Variants in TIMP3 observed in about 807,000 individuals in gnomAD.
TIMP3 encodes TIMP metallopeptidase inhibitor 3.
Under a neutral mutation model 30.0 loss-of-function variants are expected in TIMP3, and 11 were observed. The observed-to-expected ratio is 0.37, with a 90% CI of 0.23 to 0.61. The LOEUF is 0.61. Among genes scored for constraint, TIMP3 ranks in the 20% least tolerant of loss-of-function variants. The pLI is 0.70. For synonymous variants in TIMP3, 112 were observed against 111.3 expected, an observed-to-expected ratio of 1.01 and a Z score of -0.04; for missense variants, 181 against 276.8, an observed-to-expected ratio of 0.65 and a Z score of 2.45.
intron 1 of TIMP3, among the ~76,000 whole-genome samples, chr22:32,846,147 G>A (rs1300252242): frequency 6.6e-6 from 1 of 152,208 alleles, no homozygotes; most frequent in Non-Finnish European, 1.5e-5. Context: ...TCAGACTTTT[G>A]GAACCATGAC....
In TIMP3 at chr22:32,859,416, G is replaced by T. The variant is rs189143308; in HGVS notation, c.*39G>T. ...CCCCACCTCACTTCCCTCCCTTCCC[G>T]CTGAGCTTCCCTTGGACACTAACTC... is the stretch of plus-strand genomic sequence containing the variant. On this transcript the variant is annotated 3_prime_UTR_variant, in exon 5 of 5. Coordinates refer to ENST00000266085, the MANE Select transcript of TIMP3 (RefSeq NM_000362.5). The T allele has an allele frequency of 6.3e-7, 1 of 1,586,850 alleles. No individual in the cohort carries two copies. Among genetic ancestry groups the T allele is most frequent in the Admixed American group, 1.7e-5 (1 of 57,554 alleles).
At chr22:32,834,974 G>A (rs1042261219) in intron 1 of TIMP3, among the ~76,000 whole-genome samples, 2 of 152,212 alleles carry the variant, frequency 1.3e-5, no homozygotes, top group Non-Finnish European at 1.5e-5. Flanking sequence ...CAGGGTCTTT[G>A]CAGTCCTCAG....
chr22:32,829,461 C>G (rs2047511137), intron 1 of TIMP3, among the ~76,000 whole-genome samples: 1 of 152,234 alleles, frequency 6.6e-6, no homozygotes, highest in Non-Finnish European at 1.5e-5. Context: ...CATTTGCACC[C>G]ACATGTAGGC....
At chr22:32,853,214 A>T (rs1405030122) in intron 2 of TIMP3, among the ~76,000 whole-genome samples, 1 of 151,848 alleles carries the variant, frequency 6.6e-6, no homozygotes, top group Admixed American at 6.6e-5. Context: ...CTGCCTTAGG[A>T]CTCTCATCCA....
intron 1 of TIMP3, among the ~76,000 whole-genome samples, chr22:32,812,906 G>C (rs1434137257): frequency 1.3e-5 from 2 of 152,226 alleles, no homozygotes; most frequent in Admixed American, 1.3e-4. Context: ...TGCAAGGACT[G>C]AGAGATCCAA....
intron 4 of TIMP3, among the ~76,000 whole-genome samples, chr22:32,858,559 A>G (rs1407601442): frequency 6.6e-6 from 1 of 152,116 alleles, no homozygotes; most frequent in African/African-American, 2.4e-5. Flanking sequence ...GACTGCAGAG[A>G]CCAGATGCTA....
At chr22:32,848,473 A>G (rs2048131045) in intron 1 of TIMP3, among the ~76,000 whole-genome samples, 1 of 152,202 alleles carries the variant, frequency 6.6e-6, no homozygotes, top group Non-Finnish European at 1.5e-5. Flanking sequence ...CTGCCCTTGT[A>G]AGACAGTTAA....
chr22:32,836,638 T>C (rs1466417499), intron 1 of TIMP3, among the ~76,000 whole-genome samples: 1 of 152,228 alleles, frequency 6.6e-6, no homozygotes, highest in Non-Finnish European at 1.5e-5. Flanking sequence ...TACCTGTTCC[T>C]ACCTGAGTGC....
At chr22:32,821,522 A>T (rs1437678220) in intron 1 of TIMP3, among the ~76,000 whole-genome samples, 1 of 152,224 alleles carries the variant, frequency 6.6e-6, no homozygotes, top group Non-Finnish European at 1.5e-5. Flanking sequence ...TGACCTGGTT[A>T]ACAGACAGGG....
chr22:32,855,899 A>T (rs752383578), intron 2 of TIMP3, among the ~76,000 whole-genome samples: 9 of 152,252 alleles, frequency 5.9e-5, no homozygotes, highest in Non-Finnish European at 1.0e-4. Flanking sequence ...TCTAACAATT[A>T]TAAAGTATTT....
intron 4 of TIMP3, 104 bp downstream of exon 4, chr22:32,858,242 T>TCTAAAC: frequency 6.5e-7 from 1 of 1,529,376 alleles, no homozygotes; most frequent in Non-Finnish European, 8.9e-7. Flanking sequence ...CTGGGAAGGG[T>TCTAAAC]ATGCATGTGT....
At chr22:32,822,350 T>C (rs1287807621) in intron 1 of TIMP3, among the ~76,000 whole-genome samples, 1 of 152,102 alleles carries the variant, frequency 6.6e-6, no homozygotes, top group Non-Finnish European at 1.5e-5. Context: ...GATTTCCAGA[T>C]GATGTCCCTG....
intron 1 of TIMP3, among the ~76,000 whole-genome samples, chr22:32,822,445 G>A (rs9621572): frequency 6.6e-6 from 1 of 152,174 alleles, no homozygotes; most frequent in Non-Finnish European, 1.5e-5. Flanking sequence ...AGGCCACTAA[G>A]AGGAAAGGCA....
rs1284978646 is a variant in TIMP3 at position 32,860,918 on chromosome 22, T to G, written c.*1541T>G. The G allele has an allele frequency of 6.6e-6, 1 of 151,186 alleles. No homozygotes were observed. The highest frequency in any genetic ancestry group is 2.4e-5 in the African/African-American group (1 of 41,262). The allele number at this position is 151,186 out of a possible 1,614,324, so 9.4% of individuals were successfully genotyped here. A position where few individuals can be genotyped will look rare whatever the true frequency, so the allele number is the denominator to read the frequency against. On this transcript the variant is annotated 3_prime_UTR_variant, in exon 5 of 5. Coordinates refer to ENST00000266085, the MANE Select transcript of TIMP3 (RefSeq NM_000362.5). ...AGTTGTAGGGTTTCTGTTGTGTTTT[T>G]TTTTTTTTTTTTGAAATAAAACTAT... is the stretch of plus-strand genomic sequence containing the variant.
At chr22:32,805,468 C>T (rs1002882600) in intron 1 of TIMP3, among the ~76,000 whole-genome samples, 26 of 152,170 alleles carry the variant, frequency 1.7e-4, no homozygotes, top group Admixed American at 2.6e-4. Flanking sequence ...TTTGGAGAGG[C>T]GCCAGCACTT....
At chr22:32,843,316 A>T (rs1569269205) in intron 1 of TIMP3, among the ~76,000 whole-genome samples, 1 of 152,340 alleles carries the variant, frequency 6.6e-6, no homozygotes, top group East Asian at 1.9e-4. Flanking sequence ...TAGATTCACT[A>T]ATGTGATGCT....
intron 1 of TIMP3, among the ~76,000 whole-genome samples, chr22:32,825,182 G>A (rs1303701445): frequency 2.0e-5 from 3 of 152,160 alleles, no homozygotes; most frequent in East Asian, 1.9e-4. Flanking sequence ...CGTGGGAACT[G>A]AGAAACTGTG....
chr22:32,856,408 GC>G (rs1001970834), intron 2 of TIMP3, among the ~76,000 whole-genome samples: 1 of 152,062 alleles, frequency 6.6e-6, no homozygotes, highest in African/African-American at 2.4e-5. Flanking sequence ...GGTGAAGGGG[GC>G]CCTGGGGTGG....
At chr22:32,807,310 AT>A (rs1478005349) in intron 1 of TIMP3, among the ~76,000 whole-genome samples, 3 of 123,138 alleles carry the variant, frequency 2.4e-5, no homozygotes, top group African/African-American at 9.3e-5. Flanking sequence ...ATATATAAAT[AT>A]ATAATATATA....
Sources: gnomAD v4.1 joint callset for allele counts (sites outside exome capture counted in the v4.1 genomes callset) on GRCh38, gnomAD v4.1.1 for gene constraint, MANE v1.5 for transcripts, NCBI Gene and HGNC (gene_info 2026-07-23, HGNC 2026-07-21) for gene names.